The following MYSM1 variants were observed in gnomAD, a reference collection of about 807,000 sequenced individuals.
The protein encoded by MYSM1 is deubiquitinase MYSM1.
Under a neutral mutation model 116.0 loss-of-function variants are expected in MYSM1, and 51 were observed. The ratio of observed to expected loss-of-function variants is 0.44; its 90% CI spans 0.35 to 0.56. MYSM1 has a LOEUF of 0.56. Among genes scored for constraint, MYSM1 ranks in the 20% least tolerant of loss-of-function variants. MYSM1 has a pLI of 0.00. For missense variants in MYSM1, 900 were observed against 974.9 expected (o/e 0.92, Z 1.02); for synonymous variants, 313 against 315.2 (o/e 0.99, Z 0.07).
intron 6 of MYSM1, among the ~76,000 whole-genome samples, chr1:58,688,144 A>G (rs1644855498): frequency 6.6e-6 from 1 of 152,136 alleles, no homozygotes. Flanking sequence ...CAAGTCTTGA[A>G]GAGATAAAAA....
chr1:58,692,287 T>C (rs1644915654), intron 3 of MYSM1: 1 of 152,258 alleles, frequency 6.6e-6, no homozygotes, highest in African/African-American at 2.4e-5. Flanking sequence ...CTTATTAGAC[T>C]ATGACTAGCT....
intron 19 of MYSM1, among the ~76,000 whole-genome samples, 172 bp from the exon 20 acceptor site, chr1:58,660,327 T>C: frequency 6.6e-6 from 1 of 152,158 alleles, no homozygotes; most frequent in East Asian, 1.9e-4. Context: ...AGAGCTGGAA[T>C]GTAGGAAATT....
At chr1:58,660,302 G>A in intron 19 of MYSM1, 147 bp from the exon 20 acceptor site, 3 of 481,158 alleles carry the variant, frequency 6.2e-6, no homozygotes, top group Non-Finnish European at 7.1e-6. Flanking sequence ...AGATTAACTT[G>A]TGTTTAATAG....
intron 19 of MYSM1, among the ~76,000 whole-genome samples, chr1:58,660,741 C>T (rs562812723): frequency 5.9e-5 from 9 of 152,126 alleles, no homozygotes; most frequent in African/African-American, 2.2e-4. Context: ...AAAACCTAGA[C>T]GTGAACTGAC....
chr1:58,667,567 G>A (rs556412852), intron 15 of MYSM1, among the ~76,000 whole-genome samples: 1 of 151,460 alleles, frequency 6.6e-6, no homozygotes, highest in African/African-American at 2.4e-5. Context: ...TAAAGTGTTA[G>A]TACCTGTTTC....
At chr1:58,698,194 G>A (rs1179639231) in intron 1 of MYSM1, among the ~76,000 whole-genome samples, 4 of 143,834 alleles carry the variant, frequency 2.8e-5, no homozygotes, top group African/African-American at 5.2e-5. Context: ...TCTGCCTCCC[G>A]GGTTCACGCC....
At position 58,692,913 on chromosome 1, in the gene MYSM1, T is replaced by A. The variant is rs752883201; in HGVS notation, c.166A>T (p.Thr56Ser). Residue 56 changes from threonine (T) to serine (S), a missense_variant, in exon 3 of 20, where the codon ACC becomes TCC. Around this residue, in one of 3 missense-constraint regions of MYSM1, gnomAD observed 622 missense variants for 623.7 expected, o/e 1.00. Coordinates refer to ENST00000472487, the MANE Select transcript of MYSM1 (RefSeq NM_001085487.3). ...ACAGCTCTGTTCTCTTCACTGATGG[T>A]GTTATCCAAGGTCCAAGGCTATTAA... ...NGLIPWTLDN[T>S]ISEENRAVIE... 6.2e-7 allele frequency: 1 copy of A among 1,609,202 alleles called. No homozygotes were observed. The highest frequency in any genetic ancestry group is 8.5e-7 in the Non-Finnish European group (1 of 1,177,978).
intron 6 of MYSM1, among the ~76,000 whole-genome samples, chr1:58,687,578 C>T (rs1217486551): frequency 6.6e-6 from 1 of 152,150 alleles, no homozygotes; most frequent in Non-Finnish European, 1.5e-5. Context: ...CGAAGTGAAA[C>T]ATTTCACAGG....
Position 58,698,090 on chromosome 1 carries a change from A to C in MYSM1, c.68+1895T>G, listed in dbSNP as rs1412093506. On this transcript the variant is annotated intron_variant, in intron 1 of 19. Transcript: ENST00000472487. ...CTGGACACTATTTATCAGACTATAT[A>C]TATATATATATATTTTTTTTTTTTT... Among the ~76,000 whole-genome samples, 281 of 38,256 alleles carry C rather than the reference A, an allele frequency of 7.3e-3. 36 individuals are homozygous for C. The highest frequency in any genetic ancestry group is 0.016 in the Middle Eastern group (1 of 64). The allele number at this position is 38,256 out of a possible 152,430, so 25.1% of individuals were successfully genotyped here.
rs1387018800 is a variant in MYSM1, at chr1:58,665,564, G to A, written c.2099C>T (p.Pro700Leu). 6.3e-7 allele frequency: 1 copy of A among 1,595,620 alleles called. No homozygotes were observed. Among genetic ancestry groups the A allele is most frequent in the Non-Finnish European group, 8.6e-7 (1 of 1,163,818 alleles). Residue 700 changes from proline to leucine, a missense_variant, in exon 17 of 20, where the codon CCC (proline) becomes CTC (leucine). Coordinates refer to ENST00000472487, the MANE Select transcript of MYSM1 (RefSeq NM_001085487.3). Reference sequence around the variant, plus strand: ...GCAGGTAATCTGAGAATATGGTAAGGGATTATTTCGATTATAGGGACTAAC... The same window carrying A: ...GCAGGTAATCTGAGAATATGGTAAGAGATTATTTCGATTATAGGGACTAAC... ...MIVSPYNRNN[P>L]LPYSQITCLV...
intron 9 of MYSM1, chr1:58,676,692 C>T (rs922831366): frequency 2.0e-4 from 57 of 285,856 alleles, no homozygotes; most frequent in African/African-American, 1.2e-3. Flanking sequence ...ATTTCTATTA[C>T]TTAGATTGAA....
chr1:58,662,462 C>CTTT (rs5774420), intron 17 of MYSM1, among the ~76,000 whole-genome samples: 2 of 109,188 alleles, frequency 1.8e-5, no homozygotes, highest in Non-Finnish European at 4.1e-5. Context: ...TCACCCCCCC[C>CTTT]TTTTTTTTTT....
intron 8 of MYSM1, 149 bp from the exon 9 acceptor site, chr1:58,677,205 A>G (rs901452093): frequency 1.3e-5 from 7 of 518,984 alleles, no homozygotes; most frequent in South Asian, 1.1e-4. Context: ...AATACATAAT[A>G]CCCATGTACT....
intron 12 of MYSM1, 143 bp downstream of exon 12, chr1:58,671,727 G>A (rs1443314080): frequency 4.8e-6 from 3 of 624,410 alleles, no homozygotes; most frequent in East Asian, 2.9e-5. Context: ...CATAATCAGT[G>A]AAACAAAAAA....
chr1:58,676,601 T>C (rs1387913489), intron 9 of MYSM1, among the ~76,000 whole-genome samples: 1 of 152,146 alleles, frequency 6.6e-6, no homozygotes, highest in Non-Finnish European at 1.5e-5. Context: ...GAATACAGTA[T>C]TTGCAAATTA....
chr1:58,691,937 T>C (rs969082043), intron 3 of MYSM1, among the ~76,000 whole-genome samples: 1 of 152,326 alleles, frequency 6.6e-6, no homozygotes, highest in South Asian at 2.1e-4. Flanking sequence ...ATCTCATTAA[T>C]GTTTTTATCT....
At position 58,681,843 on chromosome 1, in the gene MYSM1, G is replaced by A. The variant is rs369461470; in HGVS notation, c.1201C>T (p.Arg401Cys). The change falls in exon 8 of 20, where the codon CGC becomes TGC. Residue 401 changes from arginine to cysteine, a missense_variant. This residue lies in a region of MYSM1 where 622 missense variants were observed against 623.7 expected (regional missense o/e 1.00). Coordinates refer to ENST00000472487, the MANE Select transcript of MYSM1 (RefSeq NM_001085487.3). ...KQAIPEFFEG[R>C]QAKTPERYLK... ...TAGCGTTCTGGTGTTTTAGCTTGGC[G>A]CCCCTCAAAAAACTCAGGAATTGCT... 2.3e-5 allele frequency: 37 copies of A among 1,609,920 alleles called. No homozygotes were observed. Among genetic ancestry groups the A allele is most frequent in the Non-Finnish European group, 2.8e-5 (33 of 1,179,096 alleles).
chr1:58,669,857 A>AAAAAC lies in MYSM1; in HGVS notation c.1662-820_1662-819insGTTTT, dbSNP rs1644533398. On this transcript the variant is annotated intron_variant, in intron 12 of 19. Transcript: ENST00000472487. ...TCTCCAAAAAAAAAAAAAAAAAAAA[A>AAAAAC]AAAAACAAAAAAGTGAAAAAGTAAA... Among the ~76,000 whole-genome samples, 59 of 86,062 alleles carry AAAAAC rather than the reference A, an allele frequency of 6.9e-4. 11 individuals carry two copies. The highest frequency in any genetic ancestry group is 7.7e-4 in the African/African-American group (18 of 23,298). The allele number at this position is 86,062 out of a possible 152,430, so 56.5% of individuals were successfully genotyped here.
chr1:58,661,141 T>A lies in MYSM1; in HGVS notation c.2328+29A>T, dbSNP rs774607547. The A allele has an allele frequency of 3.2e-6, 5 of 1,567,412 alleles. No individual in the cohort carries two copies. In the Admixed American group the frequency reaches 8.4e-5, roughly 26 times the overall value. Reference sequence around the variant, plus strand: ...GAATAGCTTCAGAATCTGTGAACAATGGAACCAATTAAAATGAAGACAGCT... The same window carrying A: ...GAATAGCTTCAGAATCTGTGAACAAAGGAACCAATTAAAATGAAGACAGCT... On this transcript the variant is annotated intron_variant, in intron 19 of 19. Transcript: ENST00000472487.
Sources: gnomAD v4.1 joint callset for allele counts (sites outside exome capture counted in the v4.1 genomes callset) on GRCh38, gnomAD v4.1.1 for gene constraint, gnomAD v4.1.1 regional missense constraint, MANE v1.5 for transcripts, NCBI Gene and HGNC (gene_info 2026-07-23, HGNC 2026-07-21) for gene names.